Variants in PRKCB observed in about 807,000 individuals in gnomAD.
PRKCB encodes the protein protein kinase C beta type.
PRKCB carries 13 observed loss-of-function variants against 81.5 expected under a neutral mutation model. That is an observed-to-expected ratio of 0.16 (90% CI 0.10 to 0.25). The LOEUF (loss-of-function observed/expected upper bound fraction) is 0.25. Ranked by LOEUF, PRKCB falls within the 10% of genes least tolerant of loss-of-function variation. The pLI is 1.00. For synonymous variants in PRKCB, 335 were observed against 321.4 expected (o/e 1.04, Z -0.45); for missense variants, 509 against 875.7 (o/e 0.58, Z 5.29).
chr16:23,923,177 T>C (rs998521899), intron 2 of PRKCB, among the ~76,000 whole-genome samples: 4 of 152,060 alleles, frequency 2.6e-5, no homozygotes, highest in African/African-American at 9.7e-5. Flanking sequence ...CAGAAGGGAA[T>C]TTATTGCCTT....
At chr16:24,193,170 C>T (rs577864763) in intron 16 of PRKCB, among the ~76,000 whole-genome samples, 3 of 151,860 alleles carry the variant, frequency 2.0e-5, no homozygotes, top group African/African-American at 4.8e-5. Context: ...TGGCCGGGTG[C>T]GGTGCCTCAC....
chr16:24,087,619 A>G (rs1207227685), intron 5 of PRKCB, among the ~76,000 whole-genome samples: 1 of 152,268 alleles, frequency 6.6e-6, no homozygotes, highest in African/African-American at 2.4e-5. Flanking sequence ...AAGGAGTTAA[A>G]TAAGAGATGC....
intron 2 of PRKCB, among the ~76,000 whole-genome samples, chr16:23,882,358 A>G (rs1963137855): frequency 6.6e-6 from 1 of 151,720 alleles, no homozygotes; most frequent in South Asian, 2.1e-4. Context: ...AGCTGGGATT[A>G]CAGGTGCACA....
At chr16:24,147,967 A>G (rs1967020233) in intron 9 of PRKCB, among the ~76,000 whole-genome samples, 1 of 152,116 alleles carries the variant, frequency 6.6e-6, no homozygotes. Flanking sequence ...GCCTTTGAGT[A>G]TCACAAATTC....
intron 2 of PRKCB, among the ~76,000 whole-genome samples, chr16:23,904,389 G>A (rs534439717): frequency 3.3e-5 from 5 of 152,308 alleles, no homozygotes; most frequent in East Asian, 1.9e-4. Flanking sequence ...GAAGCTGGGC[G>A]TGGTGGCTCA....
At chr16:24,194,777 T>A in intron 16 of PRKCB, among the ~76,000 whole-genome samples, 1 of 152,254 alleles carries the variant, frequency 6.6e-6, no homozygotes, top group East Asian at 1.9e-4. Flanking sequence ...CTTGAATTCC[T>A]CCATGTGGGT....
At chr16:24,136,536 C>G (rs1447638771) in intron 9 of PRKCB, among the ~76,000 whole-genome samples, 2 of 152,184 alleles carry the variant, frequency 1.3e-5, no homozygotes, top group African/African-American at 4.8e-5. Context: ...TCGATGACAT[C>G]TCTCTGCAGA....
In PRKCB at chr16:24,217,405, A is replaced by C; in HGVS notation, c.*2589A>C. On this transcript the variant is annotated 3_prime_UTR_variant, in exon 17 of 17. Coordinates refer to ENST00000643927, the MANE Select transcript of PRKCB (RefSeq NM_002738.7). The stretch of plus-strand genomic sequence containing the variant: ...GAAGAGAGGACAGGGCCATAGCAAC[A>C]AGGACCTTCTTGGGGGATTAATGGG... The C allele has an allele frequency of 4.1e-6, 4 of 985,462 alleles. No individual in the cohort carries two copies. In the South Asian group the frequency reaches 1.4e-4, roughly 35 times the overall value. The allele number at this position is 985,462 out of a possible 1,614,324, so 61.0% of individuals were successfully genotyped here. A position where few individuals can be genotyped will look rare whatever the true frequency, so the allele number is the denominator to read the frequency against.
intron 2 of PRKCB, among the ~76,000 whole-genome samples, chr16:23,937,413 T>C (rs1278650043): frequency 6.6e-6 from 1 of 152,158 alleles, no homozygotes; most frequent in African/African-American, 2.4e-5. Context: ...AGCTCAATAA[T>C]GCCAAGCAAA....
At chr16:23,964,677 T>G (rs572557226) in intron 2 of PRKCB, among the ~76,000 whole-genome samples, 148 of 151,490 alleles carry the variant, frequency 9.8e-4, no homozygotes, top group African/African-American at 3.1e-3. Context: ...TCATGAGGTT[T>G]TTTTTTTTTT....
At chr16:23,981,745 C>T (rs796773283) in intron 2 of PRKCB, among the ~76,000 whole-genome samples, 27 of 42,368 alleles carry the variant, frequency 6.4e-4, no homozygotes, top group African/African-American at 1.1e-3. Flanking sequence ...TTCCCTTCCC[C>T]TTCCCTTCCC....
intron 8 of PRKCB, among the ~76,000 whole-genome samples, chr16:24,123,313 G>C (rs1236324120): frequency 6.6e-6 from 1 of 152,174 alleles, no homozygotes; most frequent in East Asian, 1.9e-4. Flanking sequence ...AGTGAAAGGA[G>C]AATGAAGCTA....
At chr16:23,836,570 C>G (rs994133744) in intron 1 of PRKCB, among the ~76,000 whole-genome samples, 11 of 152,212 alleles carry the variant, frequency 7.2e-5, no homozygotes, top group Non-Finnish European at 1.6e-4. Flanking sequence ...CGGGGCGCCT[C>G]CTGCCCTCTC....
intron 5 of PRKCB, among the ~76,000 whole-genome samples, chr16:24,064,177 GA>G (rs919851565): frequency 6.6e-6 from 1 of 150,476 alleles, no homozygotes; most frequent in African/African-American, 2.4e-5. Flanking sequence ...AAGGGAGCTT[GA>G]AAAAAAAATC....
chr16:24,182,406 G>A (rs1344890830), intron 13 of PRKCB, among the ~76,000 whole-genome samples: 1 of 152,054 alleles, frequency 6.6e-6, no homozygotes, highest in African/African-American at 2.4e-5. Flanking sequence ...CTGCTGTCCT[G>A]ACTACTCAGG....
chr16:23,865,270 TGTG>T (rs1313991152), intron 2 of PRKCB, among the ~76,000 whole-genome samples: 55 of 2,074 alleles, frequency 0.027, 1 homozygote, highest in Non-Finnish European at 0.02. Context: ...TTTGTTTGTG[TGTG>T]TGTGTGTGTG....
At chr16:24,152,772 T>C (rs980411038) in intron 9 of PRKCB, among the ~76,000 whole-genome samples, 4 of 152,142 alleles carry the variant, frequency 2.6e-5, no homozygotes, top group African/African-American at 9.7e-5. Flanking sequence ...AAGGTGCCCA[T>C]CCTAGCACTT....
intron 2 of PRKCB, among the ~76,000 whole-genome samples, chr16:23,863,220 A>T (rs7193976): frequency 3.6e-5 from 2 of 54,870 alleles, no homozygotes; most frequent in Non-Finnish European, 1.0e-4. Context: ...ATATACATAC[A>T]TATATATGTG....
intron 2 of PRKCB, among the ~76,000 whole-genome samples, chr16:23,935,118 G>A (rs1181184846): frequency 2.6e-5 from 4 of 152,232 alleles, no homozygotes; most frequent in Admixed American, 6.5e-5. Context: ...TTCCCCTCAG[G>A]CATGCCAACT....
Sources: gnomAD v4.1 joint callset for allele counts (sites outside exome capture counted in the v4.1 genomes callset) on GRCh38, gnomAD v4.1.1 for gene constraint, MANE v1.5 for transcripts, NCBI Gene and HGNC (gene_info 2026-07-23, HGNC 2026-07-21) for gene names.